PTPRK: variants seen among roughly 807,000 people sequenced by gnomAD.
PTPRK encodes protein tyrosine phosphatase receptor type K.
Under a neutral mutation model 178.0 loss-of-function variants are expected in PTPRK, and 75 were observed. The ratio of observed to expected loss-of-function variants is 0.42; its 90% confidence interval spans 0.35 to 0.51. The LOEUF (loss-of-function observed/expected upper bound fraction) is 0.51, where lower values mean the gene tolerates loss of function less well. Ranked by LOEUF, PTPRK falls within the 20% of genes least tolerant of loss-of-function variation. PTPRK has a pLI of 0.02. For missense variants in PTPRK, 1,441 were observed against 1,797.8 expected (o/e 0.80, Z 3.59); for synonymous variants, 637 against 620.6 (o/e 1.03, Z -0.39).
chr6:128,140,086 C>T (rs959337914), intron 7 of PTPRK, among the ~76,000 whole-genome samples: 21 of 151,996 alleles, frequency 1.4e-4, no homozygotes, highest in African/African-American at 4.3e-4. Flanking sequence ...CATCCAGATA[C>T]ACAAGTTGCA....
chr6:128,131,325 T>TA (rs1409843253), intron 7 of PTPRK, among the ~76,000 whole-genome samples: 2 of 152,142 alleles, frequency 1.3e-5, no homozygotes, highest in Non-Finnish European at 2.9e-5. Context: ...ACATGGGTGA[T>TA]CAGTTCCAGG....
chr6:128,408,080 G>A lies in PTPRK; in HGVS notation c.101-10392C>T, dbSNP rs534316213. ...GTTTCTGACACGGACATCCTGGCAAGTAATTATTAAAAATAAAACTATCCT... is the reference window on the plus strand; with the variant it reads ...GTTTCTGACACGGACATCCTGGCAAATAATTATTAAAAATAAAACTATCCT... On this transcript the variant is annotated intron_variant, in intron 1 of 29. Coordinates refer to ENST00000368226, the MANE Select transcript of PTPRK (RefSeq NM_002844.4). 3.3e-5 allele frequency among the ~76,000 whole-genome samples: 5 copies of A among 152,236 alleles called. No homozygotes were observed. In the South Asian group the frequency reaches 6.2e-4, roughly 19 times the overall value.
chr6:128,255,677 A>G (rs1817170991), intron 3 of PTPRK, among the ~76,000 whole-genome samples: 1 of 152,244 alleles, frequency 6.6e-6, no homozygotes, highest in Non-Finnish European at 1.5e-5. Flanking sequence ...AAGACAGATC[A>G]GGTCAAAAGT....
At chr6:128,096,738 C>G (rs981142038) in intron 7 of PTPRK, among the ~76,000 whole-genome samples, 1 of 152,030 alleles carries the variant, frequency 6.6e-6, no homozygotes, top group Non-Finnish European at 1.5e-5. Context: ...AAGCTGACTG[C>G]AAAACAGAAC....
chr6:128,237,145 AT>A (rs1813440604), intron 5 of PTPRK, among the ~76,000 whole-genome samples: 1 of 152,166 alleles, frequency 6.6e-6, no homozygotes, highest in South Asian at 2.1e-4. Flanking sequence ...ATAGTATATC[AT>A]TTTTCCTTTG....
chr6:128,082,959 C>A (rs1785085702), intron 9 of PTPRK, among the ~76,000 whole-genome samples: 1 of 151,962 alleles, frequency 6.6e-6, no homozygotes. Context: ...GCATATGAAA[C>A]ACAGAAAGTG....
chr6:128,387,499 T>A (rs1300158640), intron 2 of PTPRK, among the ~76,000 whole-genome samples: 1 of 152,226 alleles, frequency 6.6e-6, no homozygotes, highest in Non-Finnish European at 1.5e-5. Flanking sequence ...ATTCCACCAT[T>A]CTTTCTTTCA....
At chr6:128,247,741 TCTC>T (rs1358333673) in intron 3 of PTPRK, among the ~76,000 whole-genome samples, 1 of 152,124 alleles carries the variant, frequency 6.6e-6, no homozygotes, top group African/African-American at 2.4e-5. Context: ...ATTTAGCACA[TCTC>T]CTGCCACACA....
chr6:128,344,162 C>T (rs567392442), intron 2 of PTPRK, among the ~76,000 whole-genome samples: 8 of 152,148 alleles, frequency 5.3e-5, no homozygotes, highest in African/African-American at 1.9e-4. Context: ...TCACCCAAAA[C>T]GAAGCTAAAC....
chr6:127,976,632 C>T, intron 27 of PTPRK, 25 bp downstream of exon 27: 1 of 1,613,476 alleles, frequency 6.2e-7, no homozygotes, highest in Non-Finnish European at 8.5e-7. Flanking sequence ...TCTAGATCAG[C>T]TCAAAGGATC....
At chr6:128,120,986 T>G (rs1792364275) in intron 7 of PTPRK, among the ~76,000 whole-genome samples, 1 of 151,864 alleles carries the variant, frequency 6.6e-6, no homozygotes, top group East Asian at 1.9e-4. Context: ...TTTTAGAAAA[T>G]AGTTATTTGA....
chr6:128,464,658 T>TACAC (rs536080208), intron 1 of PTPRK, among the ~76,000 whole-genome samples: 3 of 116,652 alleles, frequency 2.6e-5, no homozygotes, highest in African/African-American at 9.7e-5. Context: ...TATATATATA[T>TACAC]ATATATATAT....
intron 6 of PTPRK, among the ~76,000 whole-genome samples, chr6:128,205,034 T>C (rs1806672845): frequency 6.6e-6 from 1 of 152,068 alleles, no homozygotes; most frequent in Non-Finnish European, 1.5e-5. Context: ...AATGACCCAC[T>C]GGATAAAGAA....
At chr6:128,017,756 ATATACATATATAAATATT>A (rs1276815769) in intron 13 of PTPRK, among the ~76,000 whole-genome samples, 9 of 18,586 alleles carry the variant, frequency 4.8e-4, no homozygotes, top group Admixed American at 3.0e-3. Context: ...AAATAAATAT[ATATACATATATAAATATT>A]TATACATATA....
chr6:128,248,388 A>G (rs60436012), intron 3 of PTPRK, among the ~76,000 whole-genome samples: 10,693 of 152,198 alleles, frequency 0.07, 1,033 homozygotes, highest in African/African-American at 0.22. Context: ...TGTGTCCTCA[A>G]TCTTTCACTC....
intron 3 of PTPRK, among the ~76,000 whole-genome samples, chr6:128,256,605 T>C (rs1817358622): frequency 6.6e-6 from 1 of 151,818 alleles, no homozygotes; most frequent in African/African-American, 2.4e-5. Flanking sequence ...ACCTGGCTAA[T>C]TTTTGTATTT....
chr6:128,063,350 G>A (rs898669630), intron 13 of PTPRK: 7 of 152,036 alleles, frequency 4.6e-5, no homozygotes, highest in African/African-American at 1.4e-4. Flanking sequence ...TCGAGAGAGC[G>A]ATAAAAGGAC....
intron 1 of PTPRK, among the ~76,000 whole-genome samples, chr6:128,481,217 C>G (rs1312292093): frequency 1.3e-5 from 2 of 151,902 alleles, no homozygotes; most frequent in Non-Finnish European, 2.9e-5. Flanking sequence ...CATACATAGT[C>G]TTTAATTTCA....
intron 7 of PTPRK, among the ~76,000 whole-genome samples, chr6:128,135,254 T>G (rs1307456773): frequency 6.6e-6 from 1 of 152,158 alleles, no homozygotes; most frequent in East Asian, 1.9e-4. Context: ...GGGGTTTCCT[T>G]TTTTCCACTC....
Sources: gnomAD v4.1 joint callset for allele counts (sites outside exome capture counted in the v4.1 genomes callset) on GRCh38, gnomAD v4.1.1 for gene constraint, MANE v1.5 for transcripts, NCBI Gene and HGNC (gene_info 2026-07-23, HGNC 2026-07-21) for gene names.